Variants in KLHDC1 observed in about 807,000 individuals in gnomAD.
The protein encoded by KLHDC1 is kelch domain containing 1, also known as kelch domain-containing protein 1.
Under a neutral mutation model 68.3 loss-of-function variants are expected in KLHDC1, and 53 were observed. The ratio of observed to expected loss-of-function variants is 0.78; its 90% CI spans 0.62 to 0.98. The LOEUF is 0.98. Among genes scored for constraint, KLHDC1 ranks in the 50% least tolerant of loss-of-function variants. KLHDC1 has a pLI of 0.00. For synonymous variants in KLHDC1, 148 were observed against 159.0 expected, an observed-to-expected ratio of 0.93 and a Z score of 0.52; for missense variants, 470 against 492.3, an observed-to-expected ratio of 0.95 and a Z score of 0.43.
At chr14:49,727,691 T>C (rs558100111) in intron 6 of KLHDC1, among the ~76,000 whole-genome samples, 10 of 152,330 alleles carry the variant, frequency 6.6e-5, no homozygotes, top group African/African-American at 2.4e-4. Context: ...ATAAAAATTT[T>C]GTTTTGCTGG....
chr14:49,707,094 T>A (rs146894247), intron 1 of KLHDC1, among the ~76,000 whole-genome samples: 7 of 152,288 alleles, frequency 4.6e-5, no homozygotes, highest in African/African-American at 1.7e-4. Context: ...CATGTTTTCT[T>A]GTAGTTGTTT....
At position 49,732,782 on chromosome 14, in the gene KLHDC1, A is replaced by T; in HGVS notation, c.789A>T (p.Leu263=). ...LTPIADDKLF[L]CGGLSADNIP... The stretch of plus-strand genomic sequence containing the variant: ...CTATAGCTGATGATAAACTTTTCCT[A>T]TGTGGTGGACTAAGTGCAGATAATA... The change falls in exon 9 of 13, where the codon CTA becomes CTT. Residue 263 remains leucine (L), a synonymous_variant. Coordinates refer to ENST00000359332, the MANE Select transcript of KLHDC1 (RefSeq NM_172193.3). 1 of 1,600,918 alleles carries T rather than the reference A, an allele frequency of 6.2e-7. No homozygotes were observed. Among genetic ancestry groups the T allele is most frequent in the Non-Finnish European group, 8.6e-7 (1 of 1,168,188 alleles).
intron 12 of KLHDC1, among the ~76,000 whole-genome samples, chr14:49,744,820 C>G (rs1291576121): frequency 2.0e-5 from 3 of 152,284 alleles, no homozygotes; most frequent in Non-Finnish European, 4.4e-5. Flanking sequence ...GAGGAACTTA[C>G]AGATACAGGG....
chr14:49,704,387 G>GTTTTTTTTTTTTTTTTTTTTTTTT (rs35067251), intron 1 of KLHDC1, among the ~76,000 whole-genome samples: 6 of 68,690 alleles, frequency 8.7e-5, no homozygotes, highest in Non-Finnish European at 9.8e-5. Flanking sequence ...TTCCTTTTCT[G>GTTTTTTTTTTTTTTTTTTTTTTTT]TTTTTTTTTT....
intron 10 of KLHDC1, among the ~76,000 whole-genome samples, chr14:49,736,528 A>G: frequency 6.6e-6 from 1 of 152,204 alleles, no homozygotes; most frequent in Non-Finnish European, 1.5e-5. Flanking sequence ...AGTTGAGTGT[A>G]AGGAGAACAT....
intron 12 of KLHDC1, among the ~76,000 whole-genome samples, chr14:49,748,947 C>G (rs575985577): frequency 7.2e-5 from 11 of 151,864 alleles, no homozygotes; most frequent in Admixed American, 2.0e-4. Flanking sequence ...ATTACAGGCA[C>G]GCACCATCAC....
Position 49,743,801 on chromosome 14 carries a change from C to T in KLHDC1, c.1030C>T (p.Leu344Phe). The T allele has an allele frequency of 6.5e-7, 1 of 1,537,960 alleles. No individual in the cohort carries two copies. Among genetic ancestry groups the T allele is most frequent in the Non-Finnish European group, 9.0e-7 (1 of 1,116,334 alleles). The change falls in exon 12 of 13, where the codon CTC becomes TTC. Residue 344 changes from leucine to phenylalanine, a missense_variant. Coordinates refer to ENST00000359332, the MANE Select transcript of KLHDC1 (RefSeq NM_172193.3). ...LIFQTQPYSL[L>F]RSCLDCIGKN... is the part of the protein sequence containing the mutation. ...CTTTCAAACACAGCCTTATTCACTA[C>T]TCAGGTAAGCAAATTTAATATTTTC...
At chr14:49,720,714 A>C (rs893086070) in intron 4 of KLHDC1, among the ~76,000 whole-genome samples, 1 of 151,776 alleles carries the variant, frequency 6.6e-6, no homozygotes, top group Non-Finnish European at 1.5e-5. Context: ...GGCCATTTTG[A>C]TACTGTTCCA....
At chr14:49,714,028 GT>G (rs971010051) in intron 4 of KLHDC1, among the ~76,000 whole-genome samples, 2 of 147,402 alleles carry the variant, frequency 1.4e-5, no homozygotes, top group Admixed American at 6.8e-5. Context: ...TGTATTTTTA[GT>G]AGAAACAGGG....
intron 12 of KLHDC1, among the ~76,000 whole-genome samples, chr14:49,749,860 C>T (rs1889285241): frequency 6.6e-6 from 1 of 152,088 alleles, no homozygotes; most frequent in Non-Finnish European, 1.5e-5. Context: ...GAGTTCAAGA[C>T]CAGCCTGGCC....
chr14:49,694,333 T>G (rs1887671084), intron 1 of KLHDC1, among the ~76,000 whole-genome samples: 2 of 152,178 alleles, frequency 1.3e-5, no homozygotes, highest in South Asian at 4.2e-4. Context: ...CTACTGATAG[T>G]AGAACCTACA....
At chr14:49,696,455 A>G (rs911293785) in intron 1 of KLHDC1, among the ~76,000 whole-genome samples, 4 of 152,212 alleles carry the variant, frequency 2.6e-5, no homozygotes, top group Non-Finnish European at 5.9e-5. Flanking sequence ...TGCTGGGATT[A>G]CAGGTGTGAG....
At chr14:49,728,776 T>G in intron 6 of KLHDC1, 150 bp from the exon 7 acceptor site, 1 of 653,132 alleles carries the variant, frequency 1.5e-6, no homozygotes, top group Non-Finnish European at 2.7e-6. Flanking sequence ...ATTAGTACTA[T>G]TTAGAATAAA....
chr14:49,704,719 C>G lies in KLHDC1; in HGVS notation c.97-4440C>G, dbSNP rs547498628. ...CCTTGTCAAACATATTCTAACCATT[C>G]CTAGAAACAGGAAGAAAAGGAGTCA... is the stretch of plus-strand genomic sequence containing the variant. On this transcript the variant is annotated intron_variant, in intron 1 of 12. Transcript: ENST00000359332. Among the ~76,000 whole-genome samples the G allele has an allele frequency of 1.9e-4, 29 of 152,072 alleles. No individual in the cohort carries two copies. In the South Asian group the frequency reaches 6.0e-3, roughly 32 times the overall value.
chr14:49,728,874 T>G, intron 6 of KLHDC1, 52 bp from the exon 7 acceptor site: 1 of 1,249,730 alleles, frequency 8.0e-7, no homozygotes, highest in Non-Finnish European at 1.2e-6. Context: ...GGAATGTAAC[T>G]TTATTACAGA....
intron 12 of KLHDC1, among the ~76,000 whole-genome samples, chr14:49,747,767 G>A (rs142668651): frequency 2.0e-5 from 3 of 152,244 alleles, no homozygotes; most frequent in African/African-American, 4.8e-5. Context: ...AAAGTAGCAC[G>A]CAGCTGAGGT....
intron 4 of KLHDC1, among the ~76,000 whole-genome samples, chr14:49,712,949 C>CTTT (rs765770912): frequency 7.3e-6 from 1 of 136,950 alleles, no homozygotes. Flanking sequence ...CCATAGCTAA[C>CTTT]TTTTTTTTTT....
chr14:49,750,450 C>T (rs1889297342), intron 12 of KLHDC1, among the ~76,000 whole-genome samples: 1 of 152,130 alleles, frequency 6.6e-6, no homozygotes, highest in East Asian at 1.9e-4. Context: ...CTCTGATTCC[C>T]ACAGAACCCT....
chr14:49,722,189 A>G (rs1425240574), intron 4 of KLHDC1, among the ~76,000 whole-genome samples: 2 of 152,142 alleles, frequency 1.3e-5, no homozygotes, highest in African/African-American at 4.8e-5. Context: ...CAGGTTTGTT[A>G]CATATGTATA....
Sources: gnomAD v4.1 joint callset for allele counts (sites outside exome capture counted in the v4.1 genomes callset) on GRCh38, gnomAD v4.1.1 for gene constraint, MANE v1.5 for transcripts, NCBI Gene and HGNC (gene_info 2026-07-23, HGNC 2026-07-21) for gene names.